CEP55: variants seen among roughly 807,000 people sequenced by gnomAD.
CEP55 encodes centrosomal protein of 55 kDa.
A neutral mutation model predicts 63.2 loss-of-function variants in CEP55; 57 were observed. That is an observed-to-expected ratio of 0.90 (90% CI 0.73 to 1.13). CEP55 has a LOEUF of 1.13. Ranked by LOEUF, CEP55 falls within the 50% of genes most tolerant of loss-of-function variation. The probability of loss-of-function intolerance (pLI) is 0.00; values close to 1 mark genes in which losing one functional copy is unlikely to be tolerated. For synonymous variants in CEP55, 178 were observed against 191.6 expected (o/e 0.93, Z 0.59); for missense variants, 456 against 518.9 (o/e 0.88, Z 1.18).
At chr10:93,517,360 A>G (rs898807378) in intron 6 of CEP55, 112 bp downstream of exon 6, 4 of 747,994 alleles carry the variant, frequency 5.3e-6, no homozygotes, top group African/African-American at 3.5e-5. Flanking sequence ...CCTGCCCCTC[A>G]TGGGAGTTAT....
chr10:93,518,489 C>T (rs564254114), intron 6 of CEP55, among the ~76,000 whole-genome samples: 2 of 152,270 alleles, frequency 1.3e-5, no homozygotes, highest in South Asian at 2.1e-4. Context: ...CTTCTGTCTA[C>T]AGGTATGAGC....
chr10:93,503,414 A>T, intron 3 of CEP55, 26 bp downstream of exon 3: 2 of 1,506,466 alleles, frequency 1.3e-6, no homozygotes, highest in Non-Finnish European at 1.8e-6. Flanking sequence ...TTAAACCCAG[A>T]TTTTTTTTTT....
chr10:93,518,226 T>C (rs1208122876), intron 6 of CEP55, among the ~76,000 whole-genome samples: 1 of 152,058 alleles, frequency 6.6e-6, no homozygotes, highest in Non-Finnish European at 1.5e-5. Flanking sequence ...CTCAGCTCAC[T>C]GTAACCTCCA....
chr10:93,515,397 C>G lies in CEP55; in HGVS notation c.529-8C>G. On this transcript the variant is annotated splice_region_variant and splice_polypyrimidine_tract_variant and intron_variant, in intron 4 of 8. Transcript: ENST00000371485. ...TTACTGTTGATTTTCTTTCATCTTCCCATTAAGGCTCTGGAGAAAAATCAG... is the reference window on the plus strand; with the variant it reads ...TTACTGTTGATTTTCTTTCATCTTCGCATTAAGGCTCTGGAGAAAAATCAG... The G allele has an allele frequency of 6.4e-7, 1 of 1,565,926 alleles. No individual in the cohort carries two copies. The highest frequency in any genetic ancestry group is 8.7e-7 in the Non-Finnish European group (1 of 1,148,900).
chr10:93,521,132 C>T (rs1005306053), intron 8 of CEP55, among the ~76,000 whole-genome samples: 9 of 152,082 alleles, frequency 5.9e-5, no homozygotes, highest in Admixed American at 3.3e-4. Flanking sequence ...GAGCGTGAAC[C>T]GAAGCAGGGT....
chr10:93,526,093 T>C (rs1007194256), intron 8 of CEP55, among the ~76,000 whole-genome samples: 97 of 152,196 alleles, frequency 6.4e-4, no homozygotes, highest in African/African-American at 2.2e-3. Flanking sequence ...AAATGGGATC[T>C]AATTAAACTA....
rs1332052896 is a variant in CEP55 at position 93,519,739 on chromosome 10, C to T, written c.1123C>T (p.His375Tyr). The stretch of plus-strand genomic sequence containing the variant: ...AAAACTCGACCGTCAACATGTGCAG[C>T]ATCAATTGCATGTAATTCTTAAGGA... Reference protein sequence around the residue: ...NEKLDRQHVQHQLHVILKELR... With the variant: ...NEKLDRQHVQYQLHVILKELR... Residue 375 changes from histidine to tyrosine, a missense_variant, in exon 8 of 9, where the codon CAT becomes TAT. Transcript: ENST00000371485. The T allele has an allele frequency of 6.2e-7, 1 of 1,614,042 alleles. No homozygotes were observed. The highest frequency in any genetic ancestry group is 8.5e-7 in the Non-Finnish European group (1 of 1,179,928).
intron 8 of CEP55, among the ~76,000 whole-genome samples, chr10:93,523,873 G>T (rs1431641472): frequency 1.3e-5 from 2 of 152,208 alleles, no homozygotes; most frequent in African/African-American, 4.8e-5. Flanking sequence ...CAGAAATAAA[G>T]ATGTTCTTTG....
intron 1 of CEP55, among the ~76,000 whole-genome samples, chr10:93,499,784 T>G (rs996993023): frequency 2.1e-4 from 32 of 152,090 alleles, no homozygotes; most frequent in African/African-American, 6.0e-4. Flanking sequence ...CCTCCCAAAG[T>G]GCTGGGGCTA....
chr10:93,501,005 T>C (rs532677107), intron 2 of CEP55, among the ~76,000 whole-genome samples: 1 of 152,326 alleles, frequency 6.6e-6, no homozygotes, highest in South Asian at 2.1e-4. Flanking sequence ...TCTTTTTTAC[T>C]GTGGGAGAGG....
chr10:93,511,095 C>A (rs1017188622), intron 4 of CEP55, among the ~76,000 whole-genome samples: 3 of 151,964 alleles, frequency 2.0e-5, no homozygotes, highest in East Asian at 1.9e-4. Flanking sequence ...CCTGCCATTG[C>A]GCCTGGCTAA....
intron 7 of CEP55, 75 bp downstream of exon 7, chr10:93,519,023 C>G (rs1428118131): frequency 9.5e-7 from 1 of 1,051,594 alleles, no homozygotes; most frequent in Non-Finnish European, 1.5e-6. Context: ...TTATGCTGTT[C>G]TATGGAGAAC....
At chr10:93,517,292 T>C (rs767231917) in intron 6 of CEP55, 44 bp downstream of exon 6, 3 of 1,484,372 alleles carry the variant, frequency 2.0e-6, no homozygotes, top group Non-Finnish European at 2.7e-6. Context: ...CACCGAACAC[T>C]TTCTAAGTGT....
intron 4 of CEP55, among the ~76,000 whole-genome samples, chr10:93,511,061 C>T (rs2057743122): frequency 6.6e-6 from 1 of 151,758 alleles, no homozygotes; most frequent in South Asian, 2.1e-4. Context: ...GCCTCAGCCT[C>T]CAGAGTAGCT....
chr10:93,523,219 G>A (rs531047472), intron 8 of CEP55, among the ~76,000 whole-genome samples: 1 of 152,176 alleles, frequency 6.6e-6, no homozygotes, highest in South Asian at 2.1e-4. Context: ...ACACACATAG[G>A]CTCAAAACAA....
chr10:93,500,209 A>G lies in CEP55; in HGVS notation c.158A>G (p.Asp53Gly), dbSNP rs1383778233. The change falls in exon 2 of 9, where the codon GAT (aspartate) becomes GGT (glycine). Residue 53 changes from aspartate (D) to glycine (G), a missense_variant. Transcript: ENST00000371485. ...EITSGKGKLT[D>G]KERHRLLEKI... ...ACAAGTGGGAAAGGAAAGCTGACTG[A>G]TAAAGAGAGACACAGACTTTTGGAG... 6.2e-7 allele frequency: 1 copy of G among 1,612,504 alleles called. No individual in the cohort carries two copies. Among genetic ancestry groups the G allele is most frequent in the Non-Finnish European group, 8.5e-7 (1 of 1,179,576 alleles).
chr10:93,526,699 G>A (rs989042647), intron 8 of CEP55, among the ~76,000 whole-genome samples: 2 of 152,016 alleles, frequency 1.3e-5, no homozygotes, highest in Non-Finnish European at 2.9e-5. Context: ...GTCCAACAAC[G>A]ATAGACTGGA....
intron 8 of CEP55, among the ~76,000 whole-genome samples, chr10:93,523,673 G>A (rs1473131357): frequency 6.6e-6 from 1 of 152,106 alleles, no homozygotes; most frequent in Non-Finnish European, 1.5e-5. Context: ...TTCCAAAATT[G>A]ACCACATAGT....
intron 3 of CEP55, among the ~76,000 whole-genome samples, chr10:93,504,054 G>A (rs2057662743): frequency 6.6e-6 from 1 of 151,904 alleles, no homozygotes; most frequent in Admixed American, 6.6e-5. Flanking sequence ...AGAATTAAAT[G>A]TAAATATGTA....
Sources: allele counts gnomAD v4.1 joint callset (sites outside exome capture counted in the v4.1 genomes callset), GRCh38; gene constraint gnomAD v4.1.1; transcripts MANE v1.5; gene names NCBI Gene and HGNC (gene_info 2026-07-23, HGNC 2026-07-21).